The following WDPCP variants were observed in gnomAD, a reference collection of about 807,000 sequenced individuals.
WDPCP encodes WD repeat-containing and planar cell polarity effector protein fritz homolog.
In WDPCP, 71 loss-of-function variants were observed where a neutral mutation model predicts 93.1. The observed-to-expected ratio is 0.76, with a 90% confidence interval of 0.63 to 0.93. The LOEUF is 0.93. Ranked by LOEUF, WDPCP falls within the 40% of genes least tolerant of loss-of-function variation. The probability of loss-of-function intolerance (pLI) is 0.00; values close to 1 mark genes in which losing one functional copy is unlikely to be tolerated. For missense variants in WDPCP, 844 were observed against 887.4 expected, an observed-to-expected ratio of 0.95 and a Z score of 0.62; for synonymous variants, 315 against 315.0, an observed-to-expected ratio of 1.00 and a Z score of 0.00.
chr2:63,777,583 T>A (rs1342249703), intron 2 of WDPCP, among the ~76,000 whole-genome samples: 1 of 152,176 alleles, frequency 6.6e-6, no homozygotes, highest in Non-Finnish European at 1.5e-5. Flanking sequence ...TCTCACTTAT[T>A]AATAAAAGGA....
intron 12 of WDPCP, among the ~76,000 whole-genome samples, chr2:63,355,601 C>A (rs1264234096): frequency 3.3e-5 from 5 of 152,142 alleles, no homozygotes; most frequent in African/African-American, 1.2e-4. Flanking sequence ...ACATATCAGC[C>A]AGGCACGGTG....
rs1574817927 is a variant in WDPCP at position 63,182,204 on chromosome 2, G to T, written c.1916-7372C>A. Among the ~76,000 whole-genome samples, 2 of 151,986 alleles carry T rather than the reference G, an allele frequency of 1.3e-5. 1 individual carries two copies. The highest frequency in any genetic ancestry group is 4.1e-4 in the South Asian group (2 of 4,828). On this transcript the variant is annotated intron_variant, in intron 14 of 17. Coordinates refer to ENST00000272321, the MANE Select transcript of WDPCP (RefSeq NM_015910.7). ...TATGTTGAATAGGAGTGGTGAAAGT[G>T]GTCATCATTGTCTTGTTCCAGTTCT...
At chr2:63,495,572 C>A (rs531904764) in intron 1 of WDPCP, among the ~76,000 whole-genome samples, 1 of 152,278 alleles carries the variant, frequency 6.6e-6, no homozygotes, top group African/African-American at 2.4e-5. Flanking sequence ...TTAATGTGTG[C>A]ATTCTAGAAT....
chr2:63,219,778 A>G (rs893604536), intron 14 of WDPCP, among the ~76,000 whole-genome samples: 8 of 152,208 alleles, frequency 5.3e-5, no homozygotes, highest in Admixed American at 2.6e-4. Flanking sequence ...AGGCGGGCAG[A>G]TCACGAGGTC....
chr2:63,669,863 C>G (rs894957234), intron 2 of WDPCP, among the ~76,000 whole-genome samples: 1 of 152,070 alleles, frequency 6.6e-6, no homozygotes, highest in Admixed American at 6.6e-5. Context: ...GCACAGCTTG[C>G]AGGACAGTAC....
chr2:63,691,303 G>A (rs1278544315), intron 2 of WDPCP, among the ~76,000 whole-genome samples: 3 of 152,178 alleles, frequency 2.0e-5, no homozygotes, highest in African/African-American at 7.2e-5. Context: ...ATATAAGGAC[G>A]CCTCCCCTGA....
intron 2 of WDPCP, among the ~76,000 whole-genome samples, chr2:63,700,199 C>G (rs572408718): frequency 6.9e-6 from 1 of 144,376 alleles, no homozygotes; most frequent in African/African-American, 2.6e-5. Flanking sequence ...GGAGGATCAC[C>G]TGAGCCTGGG....
intron 13 of WDPCP, among the ~76,000 whole-genome samples, chr2:63,260,162 G>A (rs1681507520): frequency 6.6e-6 from 1 of 152,162 alleles, no homozygotes; most frequent in Non-Finnish European, 1.5e-5. Context: ...AGAGAAGCTT[G>A]AGAAAACACA....
chr2:63,495,413 A>G (rs1330254772), intron 1 of WDPCP, among the ~76,000 whole-genome samples: 1 of 152,210 alleles, frequency 6.6e-6, no homozygotes, highest in African/African-American at 2.4e-5. Flanking sequence ...TAGAATTGTC[A>G]TCTTACAGTT....
intron 9 of WDPCP, among the ~76,000 whole-genome samples, chr2:63,427,314 G>A (rs1004743609): frequency 6.6e-6 from 1 of 152,060 alleles, no homozygotes; most frequent in Non-Finnish European, 1.5e-5. Flanking sequence ...GGGACACACT[G>A]AAAAACTGAC....
At chr2:63,447,355 GA>G (rs1415392725) in intron 6 of WDPCP, among the ~76,000 whole-genome samples, 1 of 152,044 alleles carries the variant, frequency 6.6e-6, no homozygotes, top group Non-Finnish European at 1.5e-5. Context: ...TATTAGGGAT[GA>G]TTTTTTAAAA....
chr2:63,411,057 C>A (rs905616082), intron 9 of WDPCP, among the ~76,000 whole-genome samples: 5 of 152,076 alleles, frequency 3.3e-5, no homozygotes, highest in African/African-American at 1.2e-4. Context: ...ACATACAGAA[C>A]ATTTCATCCA....
intron 3 of WDPCP, among the ~76,000 whole-genome samples, chr2:63,618,688 AT>A (rs112387422): frequency 0.012 from 1,656 of 135,542 alleles, 7 homozygotes; most frequent in African/African-American, 0.03. Flanking sequence ...TGGGATAGTA[AT>A]TTTTTTTTTT....
intron 12 of WDPCP, among the ~76,000 whole-genome samples, chr2:63,375,212 T>C (rs1007932236): frequency 5.3e-5 from 8 of 152,076 alleles, no homozygotes; most frequent in Admixed American, 2.6e-4. Flanking sequence ...TACTATAGTT[T>C]CTATTTGTTT....
chr2:63,714,638 G>T (rs1669308779), intron 2 of WDPCP, among the ~76,000 whole-genome samples: 1 of 151,994 alleles, frequency 6.6e-6, no homozygotes, highest in Admixed American at 6.6e-5. Context: ...TACCATCCTG[G>T]GTAACACAGT....
At chr2:63,375,487 C>T (rs1366220883) in intron 12 of WDPCP, among the ~76,000 whole-genome samples, 1 of 151,836 alleles carries the variant, frequency 6.6e-6, no homozygotes, top group Non-Finnish European at 1.5e-5. Flanking sequence ...ACGTTAGGAG[C>T]TTAATTTACA....
intron 9 of WDPCP, among the ~76,000 whole-genome samples, chr2:63,423,705 A>G (rs1169817673): frequency 2.6e-5 from 4 of 152,186 alleles, no homozygotes; most frequent in Non-Finnish European, 5.9e-5. Flanking sequence ...ATACTGGTTC[A>G]CATTACTGAT....
At chr2:63,754,329 C>T (rs1367428133) in intron 2 of WDPCP, among the ~76,000 whole-genome samples, 1 of 152,176 alleles carries the variant, frequency 6.6e-6, no homozygotes, top group African/African-American at 2.4e-5. Flanking sequence ...CAGGGCACCA[C>T]AGTATCAACC....
At chr2:63,193,077 T>C (rs1184539323) in intron 14 of WDPCP, among the ~76,000 whole-genome samples, 2 of 152,204 alleles carry the variant, frequency 1.3e-5, no homozygotes, top group South Asian at 2.1e-4. Flanking sequence ...TTTATGTACA[T>C]TGCACAATAT....
Sources: gnomAD v4.1 joint callset for allele counts (sites outside exome capture counted in the v4.1 genomes callset) on GRCh38, gnomAD v4.1.1 for gene constraint, MANE v1.5 for transcripts, NCBI Gene and HGNC (gene_info 2026-07-23, HGNC 2026-07-21) for gene names.